PXK: variants seen among roughly 807,000 people sequenced by gnomAD.
PXK encodes the protein PX domain-containing protein kinase-like protein.
In PXK, 35 loss-of-function variants were observed where a neutral mutation model predicts 84.7. The ratio of observed to expected loss-of-function variants is 0.41; its 90% CI spans 0.32 to 0.55. The LOEUF is 0.55. Among genes scored for constraint, PXK ranks in the 20% least tolerant of loss-of-function variants. PXK has a pLI of 0.21. For synonymous variants in PXK, 253 were observed against 260.8 expected, an observed-to-expected ratio of 0.97 and a Z score of 0.29; for missense variants, 634 against 699.7, an observed-to-expected ratio of 0.91 and a Z score of 1.06.
intron 3 of PXK, among the ~76,000 whole-genome samples, chr3:58,381,248 CAAAA>C (rs34425100): frequency 1.1e-4 from 11 of 97,464 alleles, no homozygotes; most frequent in Admixed American, 2.1e-4. Context: ...GACTCCGTCT[CAAAA>C]AAAAAAAAAA....
intron 17 of PXK, chr3:58,420,517 C>T: frequency 1.3e-6 from 2 of 1,535,896 alleles, no homozygotes; most frequent in Non-Finnish European, 1.7e-6. Context: ...CTTTCTCTCT[C>T]TCTCTTTGCT....
chr3:58,400,894 T>C lies in PXK; in HGVS notation c.1181+1517T>C, dbSNP rs11717628. Among the ~76,000 whole-genome samples, 45,094 of 152,110 alleles carry C rather than the reference T, an allele frequency of 0.3. 7,440 individuals are homozygous for C. Among genetic ancestry groups the C allele is most frequent in the Middle Eastern group, 0.39 (116 of 294 alleles). Reference sequence around the variant, plus strand: ...TCTCAGCACTGCACTCCAGCCTGGGTGACAGAGCAAGACTCCGTCTCAAAA... The same window carrying C: ...TCTCAGCACTGCACTCCAGCCTGGGCGACAGAGCAAGACTCCGTCTCAAAA... On this transcript the variant is annotated intron_variant, in intron 12 of 17. Coordinates refer to ENST00000356151, the MANE Select transcript of PXK (RefSeq NM_017771.5). This position sits in a 1 kb window ranked among gnomAD's most constrained non-coding sequence, Gnocchi z 4.0.
Position 58,421,342 on chromosome 3 carries a change from G to A in PXK, c.1529-3410G>A, listed in dbSNP as rs2061811200. ...CACATCTATAATCTCAGCACTTTGG[G>A]AGGCTGAGGCGGGCGGATCACAAGG... On this transcript the variant is annotated intron_variant, in intron 17 of 17. Transcript: ENST00000356151. This position sits in a 1 kb window ranked among gnomAD's most constrained non-coding sequence, Gnocchi z 5.5. 1.0e-6 allele frequency: 1 copy of A among 976,776 alleles called. No individual in the cohort carries two copies. The allele number at this position is 976,776 out of a possible 1,614,324, so 60.5% of individuals were successfully genotyped here. A position where few individuals can be genotyped will look rare whatever the true frequency, so the allele number is the denominator to read the frequency against.
At chr3:58,339,758 A>T (rs890860547) in intron 1 of PXK, among the ~76,000 whole-genome samples, 1 of 152,052 alleles carries the variant, frequency 6.6e-6, no homozygotes. Context: ...GGAAAGAGCC[A>T]CCCATGGGTA....
chr3:58,416,385 C>T lies in PXK; in HGVS notation c.1528+3422C>T, dbSNP rs1388573501. Reference sequence around the variant, plus strand: ...TCCATGCCTTGAGGTTTACAGGTCCCTAAAAGTTGGGGGCGGTCCCAGTTT... The same window carrying T: ...TCCATGCCTTGAGGTTTACAGGTCCTTAAAAGTTGGGGGCGGTCCCAGTTT... On this transcript the variant is annotated intron_variant, in intron 17 of 17. Coordinates refer to ENST00000356151, the MANE Select transcript of PXK (RefSeq NM_017771.5). This position sits in a 1 kb window ranked among gnomAD's most constrained non-coding sequence, Gnocchi z 4.8. Among the ~76,000 whole-genome samples, 1 of 152,132 alleles carries T rather than the reference C, an allele frequency of 6.6e-6. No individual in the cohort carries two copies. The highest frequency in any genetic ancestry group is 6.5e-5 in the Admixed American group (1 of 15,278).
intron 1 of PXK, among the ~76,000 whole-genome samples, chr3:58,354,451 T>G (rs1183249721): frequency 6.6e-6 from 1 of 151,060 alleles, no homozygotes; most frequent in Non-Finnish European, 1.5e-5. Context: ...CTTCCTAGTT[T>G]TTTTTTTTTT....
At chr3:58,335,018 G>GGTGTGTGT (rs375780661) in intron 1 of PXK, among the ~76,000 whole-genome samples, 1,138 of 106,534 alleles carry the variant, frequency 0.011, 17 homozygotes, top group Non-Finnish European at 0.011. Context: ...TGTCCAGGCT[G>GGTGTGTGT]GTGTGTGTGT....
chr3:58,365,591 A>G (rs182856810), intron 1 of PXK, among the ~76,000 whole-genome samples: 179 of 152,332 alleles, frequency 1.2e-3, no homozygotes, highest in African/African-American at 3.8e-3. Flanking sequence ...GAAGTCTTCA[A>G]CTATAATTTT....
intron 1 of PXK, among the ~76,000 whole-genome samples, chr3:58,361,135 A>G (rs1460740877): frequency 6.6e-6 from 1 of 151,786 alleles, no homozygotes; most frequent in Non-Finnish European, 1.5e-5. Context: ...CGTCTCTACT[A>G]AAAATACAAA....
intron 1 of PXK, among the ~76,000 whole-genome samples, chr3:58,349,683 C>T (rs574808666): frequency 6.6e-6 from 1 of 152,174 alleles, no homozygotes; most frequent in African/African-American, 2.4e-5. Flanking sequence ...TGTGTTTATA[C>T]CTGCAAATAA....
Position 58,409,755 on chromosome 3 carries a change from G to T in PXK, c.1395+137G>T. 1 of 699,414 alleles carries T rather than the reference G, an allele frequency of 1.4e-6. No individual in the cohort carries two copies. The highest frequency in any genetic ancestry group is 2.2e-6 in the Non-Finnish European group (1 of 451,188). The allele number at this position is 699,414 out of a possible 1,614,324, so 43.3% of individuals were successfully genotyped here. A position where few individuals can be genotyped will look rare whatever the true frequency, so the allele number is the denominator to read the frequency against. ...AAGCTAAGACTATTTCCAGATGACT[G>T]GGGTGCAGTTTTTTTGGGGAAAAAA... On this transcript the variant is annotated intron_variant, in intron 15 of 17. Transcript: ENST00000356151. This position sits in a 1 kb window ranked among gnomAD's most constrained non-coding sequence, Gnocchi z 4.2.
Position 58,397,668 on chromosome 3 carries a change from C to T in PXK, c.1048C>T (p.Pro350Ser). 6.2e-7 allele frequency: 1 copy of T among 1,614,126 alleles called. No individual in the cohort carries two copies. The highest frequency in any genetic ancestry group is 1.3e-5 in the African/African-American group (1 of 75,030). The change falls in exon 11 of 18, where the codon CCG (proline) becomes TCG (serine). Residue 350 changes from proline to serine, a missense_variant. Pro to Ser is a moderately conservative substitution (Grantham distance 74). Coordinates refer to ENST00000356151, the MANE Select transcript of PXK (RefSeq NM_017771.5). This position sits in a 1 kb window ranked among gnomAD's most constrained non-coding sequence, Gnocchi z 4.7. ...HLLYEMTYGR[P>S]PDSVPVDSFP... ...ACTGTATGAAATGACTTATGGACGACCGCCAGACTCGGTGCCTGTGGACTC... is the reference window on the plus strand; with the variant it reads ...ACTGTATGAAATGACTTATGGACGATCGCCAGACTCGGTGCCTGTGGACTC...
At chr3:58,382,082 G>A (rs1273521682) in intron 3 of PXK, among the ~76,000 whole-genome samples, 4 of 152,126 alleles carry the variant, frequency 2.6e-5, no homozygotes, top group Non-Finnish European at 4.4e-5. Context: ...TTGGGAGGCC[G>A]AAGCTGGTGG....
chr3:58,397,025 A>C lies in PXK; in HGVS notation c.823-14A>C, dbSNP rs1228395821. The C allele has an allele frequency of 1.3e-6, 2 of 1,595,730 alleles. No homozygotes were observed. The highest frequency in any genetic ancestry group is 1.7e-6 in the Non-Finnish European group (2 of 1,167,890). The stretch of plus-strand genomic sequence containing the variant: ...AGTTTGGGGAAAATGTAACTTTCCC[A>C]TATGTTTTGATAGGTACTGAAGTTT... On this transcript the variant is annotated splice_polypyrimidine_tract_variant and intron_variant, in intron 9 of 17. Transcript: ENST00000356151. This position sits in a 1 kb window ranked among gnomAD's most constrained non-coding sequence, Gnocchi z 4.7.
At chr3:58,352,021 G>C (rs1347778953) in intron 1 of PXK, among the ~76,000 whole-genome samples, 2 of 152,218 alleles carry the variant, frequency 1.3e-5, no homozygotes, top group African/African-American at 4.8e-5. Context: ...GATTTAGCAG[G>C]TGAGGAAACT....
chr3:58,376,136 C>T (rs183358872), intron 3 of PXK, among the ~76,000 whole-genome samples: 11 of 152,176 alleles, frequency 7.2e-5, no homozygotes, highest in Admixed American at 2.0e-4. Flanking sequence ...TTAGCCTGGC[C>T]GGGCGTGGTG....
intron 4 of PXK, among the ~76,000 whole-genome samples, chr3:58,387,304 T>C (rs2098559639): frequency 6.6e-6 from 1 of 152,224 alleles, no homozygotes; most frequent in Admixed American, 6.5e-5. Context: ...ATGGATTTCA[T>C]GTTCTAATGG....
In PXK at chr3:58,398,412, G is replaced by GAAAAC. The variant is rs1295548738; in HGVS notation, c.1102+703_1102+707dup. Reference sequence around the variant, plus strand: ...GACACAGTAAGACTCTGCCTCAAACGAAAACAAAACAAAACAAGAATGCCA... The same window carrying GAAAAC: ...GACACAGTAAGACTCTGCCTCAAACGAAAACAAAACAAAACAAAACAAGAATGCCA... On this transcript the variant is annotated intron_variant, in intron 11 of 17. Coordinates refer to ENST00000356151, the MANE Select transcript of PXK (RefSeq NM_017771.5). This position sits in a 1 kb window ranked among gnomAD's most constrained non-coding sequence, Gnocchi z 4.5. Among the ~76,000 whole-genome samples, 1 of 152,112 alleles carries GAAAAC rather than the reference G, an allele frequency of 6.6e-6. No homozygotes were observed.
rs1276927751 is a variant in PXK, at chr3:58,333,614, C to T, written c.102+524C>T. On this transcript the variant is annotated intron_variant, in intron 1 of 17. Transcript: ENST00000356151. This position sits in a 1 kb window ranked among gnomAD's most constrained non-coding sequence, Gnocchi z 5.4. ...AGTGTAAGTGGCTGGGGTCTGCAGC[C>T]CCGTTTCCAGGTCAGCCGCTTGGCC... 2 of 456,638 alleles carry T rather than the reference C, an allele frequency of 4.4e-6. No individual in the cohort carries two copies. The allele number at this position is 456,638 out of a possible 1,614,324, so 28.3% of individuals were successfully genotyped here.
Sources: gnomAD v4.1 joint callset for allele counts (sites outside exome capture counted in the v4.1 genomes callset) on GRCh38, gnomAD v4.1.1 for gene constraint, Gnocchi (gnomAD v3.1) non-coding constraint, MANE v1.5 for transcripts, NCBI Gene and HGNC (gene_info 2026-07-23, HGNC 2026-07-21) for gene names.